FGGY: variants seen among roughly 807,000 people sequenced by gnomAD.
The protein encoded by FGGY is FGGY carbohydrate kinase domain containing.
Under a neutral mutation model 71.3 loss-of-function variants are expected in FGGY, and 72 were observed. The ratio of observed to expected loss-of-function variants is 1.01; its 90% CI spans 0.84 to 1.23. FGGY has a LOEUF of 1.23. FGGY is among the 50% of genes most tolerant of loss of function. The pLI is 0.00. For synonymous variants in FGGY, 251 were observed against 250.3 expected (o/e 1.00, Z -0.02); for missense variants, 668 against 682.3 (o/e 0.98, Z 0.23).
upstream of FGGY, chr1:59,296,592 T>A (rs1229519404): frequency 6.6e-6 from 1 of 152,176 alleles, no homozygotes; most frequent in South Asian, 2.1e-4. Context: ...AGCCGCGGGG[T>A]GGGCAGGCGA....
chr1:59,332,805 A>G (rs2048752885), intron 2 of FGGY, among the ~76,000 whole-genome samples: 1 of 152,158 alleles, frequency 6.6e-6, no homozygotes, highest in African/African-American at 2.4e-5. Context: ...GAGTCTATCC[A>G]ATTTTTTCTA....
chr1:59,453,123 T>C (rs1346010478), intron 5 of FGGY, among the ~76,000 whole-genome samples: 1 of 152,220 alleles, frequency 6.6e-6, no homozygotes, highest in African/African-American at 2.4e-5. Context: ...TCAATTGTAC[T>C]CACTAAACTT....
chr1:59,666,635 A>G (rs1232744263), intron 12 of FGGY, among the ~76,000 whole-genome samples: 1 of 152,222 alleles, frequency 6.6e-6, no homozygotes, highest in Non-Finnish European at 1.5e-5. Context: ...ACAAGGCTGA[A>G]TTGAAAATAT....
intron 2 of FGGY, among the ~76,000 whole-genome samples, chr1:59,330,026 T>C (rs930448297): frequency 1.3e-5 from 2 of 152,240 alleles, no homozygotes; most frequent in Admixed American, 1.3e-4. Context: ...AACTAAGTCT[T>C]ATTTCACTTA....
chr1:59,631,108 T>G (rs759866049), intron 10 of FGGY, among the ~76,000 whole-genome samples: 3 of 151,956 alleles, frequency 2.0e-5, no homozygotes, highest in Non-Finnish European at 4.4e-5. Flanking sequence ...AGTGATCACT[T>G]TTTCCTCCTT....
At chr1:59,655,651 C>T (rs1365287781) in intron 11 of FGGY, among the ~76,000 whole-genome samples, 1 of 152,046 alleles carries the variant, frequency 6.6e-6, no homozygotes. Context: ...GTATATGTGC[C>T]ACATTAAGAA....
intron 11 of FGGY, among the ~76,000 whole-genome samples, 178 bp from the exon 12 acceptor site, chr1:59,660,041 C>T (rs1375860519): frequency 6.6e-6 from 1 of 152,070 alleles, no homozygotes; most frequent in African/African-American, 2.4e-5. Flanking sequence ...GATAGTTTTT[C>T]CCAGGTCTGG....
At chr1:59,497,868 ACT>A (rs753226551) in intron 6 of FGGY, among the ~76,000 whole-genome samples, 1 of 151,716 alleles carries the variant, frequency 6.6e-6, no homozygotes, top group African/African-American at 2.4e-5. Context: ...GTTTCAGAAT[ACT>A]CTCACACTGC....
intron 7 of FGGY, among the ~76,000 whole-genome samples, chr1:59,526,415 G>T (rs1239883062): frequency 6.6e-6 from 1 of 152,230 alleles, no homozygotes; most frequent in Non-Finnish European, 1.5e-5. Context: ...CCTCAAGCAT[G>T]TGCTGGGCAC....
intron 1 of FGGY, among the ~76,000 whole-genome samples, chr1:59,315,920 G>A (rs1402409824): frequency 6.6e-6 from 1 of 152,166 alleles, no homozygotes; most frequent in Non-Finnish European, 1.5e-5. Flanking sequence ...TTCATGTTTA[G>A]AGGTAAAGTT....
intron 7 of FGGY, among the ~76,000 whole-genome samples, chr1:59,525,594 T>G (rs775208050): frequency 5.3e-5 from 8 of 152,202 alleles, no homozygotes; most frequent in Non-Finnish European, 1.0e-4. Context: ...TGCAGTAAAG[T>G]TACATTATGA....
intron 14 of FGGY, among the ~76,000 whole-genome samples, chr1:59,708,248 C>T: frequency 6.6e-6 from 1 of 152,136 alleles, no homozygotes; most frequent in Middle Eastern, 3.2e-3. Flanking sequence ...CTATTCTTTT[C>T]CTCCCATTTC....
intron 7 of FGGY, among the ~76,000 whole-genome samples, chr1:59,514,536 A>C (rs2094592918): frequency 6.6e-6 from 1 of 152,180 alleles, no homozygotes; most frequent in Non-Finnish European, 1.5e-5. Flanking sequence ...CGTAAAATGC[A>C]AATGCTTGTA....
In FGGY at chr1:59,531,624, A is replaced by G. The variant is rs556195815; in HGVS notation, c.799+19185A>G. On this transcript the variant is annotated intron_variant, in intron 7 of 15. Coordinates refer to ENST00000303721, the MANE Select transcript of FGGY (RefSeq NM_018291.5). ...GGACTCAACATTTCCACCATTTTAT[A>G]ATACACTATGAGCATTTGCTGAGTT... 2.6e-4 allele frequency among the ~76,000 whole-genome samples: 40 copies of G among 152,172 alleles called. 1 individual carries two copies. The highest frequency in any genetic ancestry group is 5.4e-4 in the Non-Finnish European group (37 of 68,020).
intron 5 of FGGY, among the ~76,000 whole-genome samples, chr1:59,439,971 G>T (rs1182003190): frequency 6.6e-6 from 1 of 151,956 alleles, no homozygotes; most frequent in Non-Finnish European, 1.5e-5. Flanking sequence ...CTGGAATACT[G>T]TGACCTCAAA....
At chr1:59,400,243 T>G (rs2061786353) in intron 5 of FGGY, among the ~76,000 whole-genome samples, 1 of 152,130 alleles carries the variant, frequency 6.6e-6, no homozygotes, top group Admixed American at 6.6e-5. Context: ...TGTAGTCAGA[T>G]CTCCCTTGTG....
intron 5 of FGGY, among the ~76,000 whole-genome samples, chr1:59,416,787 A>T (rs2064509713): frequency 6.6e-6 from 1 of 152,098 alleles, no homozygotes; most frequent in African/African-American, 2.4e-5. Flanking sequence ...CTTTCCCAGG[A>T]ATCTTCTCTT....
At chr1:59,399,842 G>T (rs1391390923) in intron 5 of FGGY, among the ~76,000 whole-genome samples, 1 of 152,206 alleles carries the variant, frequency 6.6e-6, no homozygotes, top group Non-Finnish European at 1.5e-5. Flanking sequence ...ATTGATGTGT[G>T]TATGTGTACT....
intron 2 of FGGY, among the ~76,000 whole-genome samples, chr1:59,329,358 C>T (rs1201776307): frequency 6.6e-6 from 1 of 152,184 alleles, no homozygotes; most frequent in East Asian, 1.9e-4. Flanking sequence ...GCTAAAAATG[C>T]TAATGAAGTG....
Sources: allele counts gnomAD v4.1 joint callset (sites outside exome capture counted in the v4.1 genomes callset), GRCh38; gene constraint gnomAD v4.1.1; transcripts MANE v1.5; gene names NCBI Gene and HGNC (gene_info 2026-07-23, HGNC 2026-07-21).